Variants in SCN8A observed in about 807,000 individuals in gnomAD.
SCN8A encodes sodium channel protein type 8 subunit alpha.
In SCN8A, 30 loss-of-function variants were observed where a neutral mutation model predicts 184.1. The ratio of observed to expected loss-of-function variants is 0.16; its 90% confidence interval spans 0.12 to 0.22. The LOEUF is 0.22. SCN8A is among the 10% of genes least tolerant of loss of function. SCN8A has a pLI of 1.00. For synonymous variants in SCN8A, 852 were observed against 907.0 expected (o/e 0.94, Z 1.09); for missense variants, 1,057 against 2,498.9 (o/e 0.42, Z 12.30).
At chr12:51,754,978 A>C (rs1463228698) in intron 14 of SCN8A, among the ~76,000 whole-genome samples, 1 of 152,206 alleles carries the variant, frequency 6.6e-6, no homozygotes, top group Non-Finnish European at 1.5e-5. Context: ...TTCCATTTAC[A>C]GTAAGTCCCC....
intron 13 of SCN8A, among the ~76,000 whole-genome samples, chr12:51,749,561 G>A (rs1443842251): frequency 1.3e-5 from 2 of 152,154 alleles, no homozygotes; most frequent in African/African-American, 2.4e-5. Flanking sequence ...ACCTTAGGAA[G>A]GGAGGGAGTT....
chr12:51,730,821 T>C (rs888334875), intron 12 of SCN8A, among the ~76,000 whole-genome samples: 1 of 152,234 alleles, frequency 6.6e-6, no homozygotes, highest in Admixed American at 6.5e-5. Context: ...ACAATTTTTT[T>C]TGTACCCATT....
chr12:51,776,843 T>C (rs191612049), intron 20 of SCN8A, among the ~76,000 whole-genome samples: 1 of 152,336 alleles, frequency 6.6e-6, no homozygotes, highest in East Asian at 1.9e-4. Flanking sequence ...CGCATTTGTT[T>C]CCCTAATTGA....
intron 12 of SCN8A, among the ~76,000 whole-genome samples, chr12:51,738,727 A>G (rs971272224): frequency 1.3e-5 from 2 of 152,236 alleles, no homozygotes; most frequent in East Asian, 1.9e-4. Flanking sequence ...ATCTAAATCA[A>G]TGACTCCTGT....
At chr12:51,779,540 T>C (rs907673312) in intron 20 of SCN8A, among the ~76,000 whole-genome samples, 6 of 152,146 alleles carry the variant, frequency 3.9e-5, no homozygotes, top group African/African-American at 1.4e-4. Flanking sequence ...TGTTGGAATG[T>C]TGTTGTGTAA....
intron 26 of SCN8A, among the ~76,000 whole-genome samples, chr12:51,796,823 T>C (rs1453684575): frequency 3.9e-5 from 6 of 152,128 alleles, no homozygotes; most frequent in Non-Finnish European, 8.8e-5. Flanking sequence ...CTCAGAGTCT[T>C]ATGTTCGAGG....
chr12:51,616,918 CAAAA>C (rs200949853), intron 1 of SCN8A, among the ~76,000 whole-genome samples: 2 of 107,398 alleles, frequency 1.9e-5, no homozygotes, highest in Admixed American at 9.5e-5. Flanking sequence ...GACCCTGTCT[CAAAA>C]AAAAAAAAAA....
chr12:51,781,648 A>G (rs1015667832), intron 21 of SCN8A, among the ~76,000 whole-genome samples: 6 of 151,090 alleles, frequency 4.0e-5, no homozygotes, highest in South Asian at 2.1e-4. Flanking sequence ...GCGTGCGTGC[A>G]CGCGCACGCA....
chr12:51,780,404 G>T, intron 20 of SCN8A: 1 of 382,866 alleles, frequency 2.6e-6, no homozygotes, highest in Non-Finnish European at 4.8e-6. Flanking sequence ...TCTCTTCCCT[G>T]TTGTTTTTTC....
intron 22 of SCN8A, chr12:51,788,453 T>C (rs1430630920): frequency 3.3e-6 from 1 of 302,652 alleles, no homozygotes; most frequent in Non-Finnish European, 6.0e-6. Flanking sequence ...AGTCCTTTCG[T>C]AAAGCCTTAA....
chr12:51,784,983 C>T (rs1184688570), intron 21 of SCN8A, among the ~76,000 whole-genome samples: 1 of 152,182 alleles, frequency 6.6e-6, no homozygotes, highest in Non-Finnish European at 1.5e-5. Flanking sequence ...CGATCTCCCA[C>T]CTAAGGTCTG....
intron 26 of SCN8A, among the ~76,000 whole-genome samples, chr12:51,797,305 G>A (rs1256026181): frequency 2.6e-5 from 4 of 152,114 alleles, no homozygotes; most frequent in Non-Finnish European, 5.9e-5. Context: ...CTGATACGAA[G>A]TCAACAAATC....
At chr12:51,773,082 A>T (rs1397051912) in intron 19 of SCN8A, among the ~76,000 whole-genome samples, 10 of 151,526 alleles carry the variant, frequency 6.6e-5, no homozygotes, top group African/African-American at 2.2e-4. Context: ...GCACCACTGC[A>T]CTCCATCCTG....
At chr12:51,794,236 G>C in intron 25 of SCN8A, 135 bp from the exon 26 acceptor site, 1 of 778,810 alleles carries the variant, frequency 1.3e-6, no homozygotes, top group Non-Finnish European at 2.1e-6. Context: ...CCATGCTCCT[G>C]ATAGAGCAGC....
chr12:51,664,141 A>G (rs1455047474), intron 2 of SCN8A, among the ~76,000 whole-genome samples: 1 of 151,964 alleles, frequency 6.6e-6, no homozygotes, highest in African/African-American at 2.4e-5. Context: ...ACAAAATGAT[A>G]TGATGTAAAG....
At chr12:51,618,644 GT>G (rs1451472688) in intron 1 of SCN8A, among the ~76,000 whole-genome samples, 1 of 152,150 alleles carries the variant, frequency 6.6e-6, no homozygotes, top group African/African-American at 2.4e-5. Flanking sequence ...AAGGATTTTA[GT>G]TGAATACAGT....
intron 14 of SCN8A, among the ~76,000 whole-genome samples, chr12:51,756,855 G>C (rs1233011950): frequency 6.6e-6 from 1 of 152,226 alleles, no homozygotes; most frequent in Non-Finnish European, 1.5e-5. Context: ...AGAAGAGCTA[G>C]GGTTTAATCT....
At chr12:51,715,169 T>C (rs1401144372) in intron 11 of SCN8A, among the ~76,000 whole-genome samples, 1 of 152,208 alleles carries the variant, frequency 6.6e-6, no homozygotes, top group Non-Finnish European at 1.5e-5. Context: ...TGCAGACTAC[T>C]CTTTTGCAAA....
chr12:51,764,962 G>A (rs376663110), intron 15 of SCN8A, among the ~76,000 whole-genome samples: 160 of 151,832 alleles, frequency 1.1e-3, no homozygotes, highest in Middle Eastern at 6.8e-3. Context: ...TTTTATTAGA[G>A]ACGGCATTTC....
Sources: allele counts gnomAD v4.1 joint callset (sites outside exome capture counted in the v4.1 genomes callset), GRCh38; gene constraint gnomAD v4.1.1; transcripts MANE v1.5; gene names NCBI Gene and HGNC (gene_info 2026-07-23, HGNC 2026-07-21).